The following HPS5 variants were observed in gnomAD, a reference collection of about 807,000 sequenced individuals.
HPS5 encodes the protein HPS5 biogenesis of lysosomal organelles complex 2 subunit 2, also known as BLOC-2 complex member HPS5.
In HPS5, 83 loss-of-function variants were observed where a neutral mutation model predicts 128.0. That is an observed-to-expected ratio of 0.65 (90% CI 0.54 to 0.78). The LOEUF is 0.78. Among genes scored for constraint, HPS5 ranks in the 30% least tolerant of loss-of-function variants. The pLI, the probability that HPS5 is intolerant of heterozygous loss-of-function variation, is 0.00. For synonymous variants in HPS5, 475 were observed against 470.2 expected (o/e 1.01, Z -0.13); for missense variants, 1,281 against 1,326.2 (o/e 0.97, Z 0.53).
intron 16 of HPS5, among the ~76,000 whole-genome samples, 195 bp downstream of exon 16, chr11:18,291,247 C>A (rs542731365): frequency 4.6e-4 from 70 of 152,146 alleles, no homozygotes; most frequent in African/African-American, 1.6e-3. Context: ...AAACTAATTT[C>A]TTATAATCCA....
At chr11:18,302,345 T>C (rs1225753527) in intron 8 of HPS5, among the ~76,000 whole-genome samples, 2 of 152,198 alleles carry the variant, frequency 1.3e-5, no homozygotes, top group African/African-American at 4.8e-5. Flanking sequence ...CAACTTACAA[T>C]GTTCTTAATC....
At chr11:18,319,974 T>C (rs1010196990) in intron 1 of HPS5, among the ~76,000 whole-genome samples, 7 of 152,082 alleles carry the variant, frequency 4.6e-5, no homozygotes, top group Non-Finnish European at 1.5e-5. Context: ...TCTCTTCTAC[T>C]TGTGATCTTG....
chr11:18,312,095 A>C (rs565276489), intron 2 of HPS5, 71 bp from the exon 3 acceptor site: 2 of 1,181,848 alleles, frequency 1.7e-6, no homozygotes, highest in East Asian at 4.7e-5. Flanking sequence ...ACTGAAAATA[A>C]ATACTGAGGA....
rs1484768523 is a variant in HPS5 at position 18,291,488 on chromosome 11, G to A, written c.2394C>T (p.Tyr798=). The A allele has an allele frequency of 6.2e-6, 10 of 1,613,278 alleles. No homozygotes were observed. The highest frequency in any genetic ancestry group is 2.2e-5 in the East Asian group (1 of 44,880). The stretch of plus-strand genomic sequence containing the variant: ...TATCCCAAACAGAAGGGCTATTACT[G>A]TAACTAAGCTTGATACTCTCCTTCG... The part of the protein sequence containing the change: ...KRAKESIKLS[Y]SNSPSVWDTF... Residue 798 remains tyrosine (Y), a synonymous_variant, in exon 16 of 23, where the codon TAC becomes TAT. Transcript: ENST00000349215.
intron 14 of HPS5, among the ~76,000 whole-genome samples, 174 bp downstream of exon 14, chr11:18,294,835 AAAAAAAATCAC>A (rs1306530099): frequency 1.3e-5 from 2 of 152,194 alleles, no homozygotes; most frequent in East Asian, 3.9e-4. Flanking sequence ...AGCTATTAAA[AAAAAAAATCAC>A]AAAAAAACTC....
chr11:18,286,424 C>T (rs1859732484), intron 19 of HPS5, among the ~76,000 whole-genome samples, 167 bp downstream of exon 19: 1 of 152,020 alleles, frequency 6.6e-6, no homozygotes, highest in Non-Finnish European at 1.5e-5. Context: ...GTCTTCCCAG[C>T]TACTCAGGAA....
At chr11:18,290,281 G>A (rs140984191) in intron 16 of HPS5, among the ~76,000 whole-genome samples, 4 of 152,298 alleles carry the variant, frequency 2.6e-5, no homozygotes, top group African/African-American at 9.6e-5. Context: ...ACTGTTACAT[G>A]AGCAAGAAAT....
In HPS5 at chr11:18,279,786, G is replaced by T; in HGVS notation, c.*96C>A. 8.5e-7 allele frequency: 1 copy of T among 1,172,742 alleles called. No individual in the cohort carries two copies. The highest frequency in any genetic ancestry group is 1.3e-6 in the Non-Finnish European group (1 of 788,408). 72.6% of individuals were successfully genotyped at this position (1,172,742 alleles called of 1,614,324 possible). ...CAATAAGATGGCAGGATTTGGGGGT[G>T]GTGTCTTTCCTTCAATAACAAATGC... On this transcript the variant is annotated 3_prime_UTR_variant, in exon 23 of 23. Transcript: ENST00000349215.
intron 13 of HPS5, 104 bp from the exon 14 acceptor site, chr11:18,295,273 A>T: frequency 9.4e-7 from 1 of 1,063,056 alleles, no homozygotes; most frequent in Admixed American, 2.0e-5. Context: ...TAGGGAGGCA[A>T]CTTGGACTTA....
chr11:18,302,925 A>C (rs1861902435), intron 8 of HPS5, among the ~76,000 whole-genome samples: 1 of 148,812 alleles, frequency 6.7e-6, no homozygotes, highest in Non-Finnish European at 1.5e-5. Flanking sequence ...AGGAATAGCA[A>C]CCTAGATTAG....
intron 1 of HPS5, among the ~76,000 whole-genome samples, chr11:18,320,071 G>A (rs1370647084): frequency 6.6e-6 from 1 of 152,056 alleles, no homozygotes; most frequent in Non-Finnish European, 1.5e-5. Context: ...GCGGGGGTGT[G>A]CAGGGGGACA....
intron 14 of HPS5, 29 bp from the exon 15 acceptor site, chr11:18,293,005 A>G: frequency 6.4e-7 from 1 of 1,572,298 alleles, no homozygotes. Context: ...TAACAATAAC[A>G]TTCACAAGAG....
intron 8 of HPS5, among the ~76,000 whole-genome samples, 164 bp from the exon 9 acceptor site, chr11:18,301,080 TAAC>T (rs1261149038): frequency 3.9e-5 from 6 of 152,178 alleles, no homozygotes; most frequent in African/African-American, 1.4e-4. Context: ...TTTCTGTCTG[TAAC>T]AACAGCCCAC....
intron 8 of HPS5, 59 bp from the exon 9 acceptor site, chr11:18,300,975 C>T: frequency 1.0e-6 from 1 of 981,224 alleles, no homozygotes; most frequent in East Asian, 2.4e-5. Flanking sequence ...TTTATAATTC[C>T]CCGAATTCAG....
intron 8 of HPS5, among the ~76,000 whole-genome samples, chr11:18,301,531 T>G (rs1026401189): frequency 6.6e-6 from 1 of 150,656 alleles, no homozygotes; most frequent in Non-Finnish European, 1.5e-5. Context: ...GACCTTTACC[T>G]GATGTTCGTT....
intron 14 of HPS5, among the ~76,000 whole-genome samples, chr11:18,294,704 T>A (rs1860840382): frequency 6.6e-6 from 1 of 152,198 alleles, no homozygotes; most frequent in South Asian, 2.1e-4. Flanking sequence ...GACATACATG[T>A]GCCTTCTTGA....
chr11:18,281,247 T>A (rs577196113), intron 22 of HPS5, among the ~76,000 whole-genome samples: 2 of 150,082 alleles, frequency 1.3e-5, no homozygotes, highest in African/African-American at 4.9e-5. Flanking sequence ...TCCAGTTAAT[T>A]TTTTTGCATT....
In HPS5 at chr11:18,283,766, C is replaced by G. The variant is rs777546599; in HGVS notation, c.3058+29G>C. The G allele has an allele frequency of 6.5e-6, 10 of 1,530,318 alleles. No individual in the cohort carries two copies. The Admixed American group carries it at 1.7e-4, about 26-fold the overall frequency. The allele number at this position is 1,530,318 out of a possible 1,614,324, so 94.8% of individuals were successfully genotyped here. On this transcript the variant is annotated intron_variant, in intron 21 of 22. Coordinates refer to ENST00000349215, the MANE Select transcript of HPS5 (RefSeq NM_181507.2). ...TGGAGTAACTTCTAAAAATTGACAACCAAGAGTAACCAGTTAGGATTGACA... is the reference window on the plus strand; with the variant it reads ...TGGAGTAACTTCTAAAAATTGACAAGCAAGAGTAACCAGTTAGGATTGACA...
intron 21 of HPS5, 50 bp downstream of exon 21, chr11:18,283,745 G>GT: frequency 7.4e-7 from 1 of 1,359,014 alleles, no homozygotes; most frequent in African/African-American, 1.4e-5. Flanking sequence ...GAGGTCTGGA[G>GT]TAACTTCTAA....
Sources: gnomAD v4.1 joint callset for allele counts (sites outside exome capture counted in the v4.1 genomes callset) on GRCh38, gnomAD v4.1.1 for gene constraint, MANE v1.5 for transcripts, NCBI Gene and HGNC (gene_info 2026-07-23, HGNC 2026-07-21) for gene names.